Variants in EML6 observed in about 807,000 individuals in gnomAD.
EML6 encodes the protein EMAP like 6.
A neutral mutation model predicts 240.1 loss-of-function variants in EML6; 154 were observed. The ratio of observed to expected loss-of-function variants is 0.64; its 90% CI spans 0.56 to 0.73. The LOEUF (loss-of-function observed/expected upper bound fraction) is 0.73, where lower values mean the gene tolerates loss of function less well. EML6 is among the 30% of genes least tolerant of loss of function. EML6 has a pLI of 0.00. For missense variants in EML6, 2,964 were observed against 2,474.6 expected (o/e 1.20, Z -4.20); for synonymous variants, 1,148 against 899.0 (o/e 1.28, Z -4.95).
At chr2:54,914,502 G>T (rs1558680900) in intron 25 of EML6, among the ~76,000 whole-genome samples, 1 of 152,206 alleles carries the variant, frequency 6.6e-6, no homozygotes. Flanking sequence ...AAAAGATAAT[G>T]CACAAAAGGA....
chr2:54,883,704 T>C (rs145392932), intron 17 of EML6, among the ~76,000 whole-genome samples: 2 of 152,174 alleles, frequency 1.3e-5, no homozygotes, highest in African/African-American at 4.8e-5. Context: ...GTATTTTGTT[T>C]TGCTTACACA....
At position 54,954,758 on chromosome 2, in the gene EML6, G is replaced by T. The variant is rs139728498; in HGVS notation, c.4486+602G>T. 5.0e-3 allele frequency among the ~76,000 whole-genome samples: 768 copies of T among 152,236 alleles called. 5 individuals carry two copies. Among genetic ancestry groups the T allele is most frequent in the Non-Finnish European group, 8.0e-3 (543 of 68,002 alleles). ...ACACACAAGCTGCAACTGAATGTGT[G>T]GTCATCTTAGAACTAAAGATGTGCA... On this transcript the variant is annotated intron_variant, in intron 32 of 41. Transcript: ENST00000356458.
chr2:54,874,270 A>C (rs1248119828), intron 16 of EML6, among the ~76,000 whole-genome samples: 1 of 152,202 alleles, frequency 6.6e-6, no homozygotes, highest in African/African-American at 2.4e-5. Context: ...AAGAACAAGA[A>C]ATTAAGTGAG....
chr2:54,971,140 A>C lies in EML6; in HGVS notation c.*1045A>C, dbSNP rs1328192160. 1 of 152,230 alleles carries C rather than the reference A, an allele frequency of 6.6e-6. No homozygotes were observed. Among genetic ancestry groups the C allele is most frequent in the Admixed American group, 6.5e-5 (1 of 15,278 alleles). 9.4% of individuals were successfully genotyped at this position (152,230 alleles called of 1,614,324 possible). On this transcript the variant is annotated 3_prime_UTR_variant, in exon 42 of 42. Coordinates refer to ENST00000356458, the MANE Select transcript of EML6 (RefSeq NM_001039753.4). ...TGACTTCATTTGATTGCTTCAGGCGAACTATATAGGTCAAGTCCAGATTAT... is the reference window on the plus strand; with the variant it reads ...TGACTTCATTTGATTGCTTCAGGCGCACTATATAGGTCAAGTCCAGATTAT...
In EML6 at chr2:54,847,540, G is replaced by A. The variant is rs1471102033; in HGVS notation, c.1104G>A (p.Ala368=). 27 of 1,552,028 alleles carry A rather than the reference G, an allele frequency of 1.7e-5. No homozygotes were observed. Among genetic ancestry groups the A allele is most frequent in the African/African-American group, 9.6e-5 (7 of 73,026 alleles). ...TCGCCCGCTGTAACATGGAAGAGGCGGTTCGCAGTGTAGCTTTCAGCCCCG... is the reference window on the plus strand; with the variant it reads ...TCGCCCGCTGTAACATGGAAGAGGCAGTTCGCAGTGTAGCTTTCAGCCCCG... ...ALIARCNMEE[A]VRSVAFSPDG... The change falls in exon 9 of 42, where the codon GCG becomes GCA. Residue 368 remains alanine (A), a synonymous_variant. Transcript: ENST00000356458.
chr2:54,801,822 C>G (rs554077826), intron 2 of EML6, among the ~76,000 whole-genome samples: 1 of 152,184 alleles, frequency 6.6e-6, no homozygotes, highest in African/African-American at 2.4e-5. Flanking sequence ...TGTATTAAAA[C>G]GTCATGCCAT....
intron 24 of EML6, among the ~76,000 whole-genome samples, chr2:54,907,950 TAGATAGA>T (rs1673430586): frequency 3.7e-5 from 1 of 26,682 alleles, no homozygotes; most frequent in Non-Finnish European, 9.1e-5. Flanking sequence ...ATAGATAAGA[TAGATAGA>T]TAGATAGATA....
In EML6 at chr2:54,883,908, T is replaced by C. The variant is rs192301650; in HGVS notation, c.2438+4268T>C. 2.8e-4 allele frequency among the ~76,000 whole-genome samples: 42 copies of C among 152,304 alleles called. No individual in the cohort carries two copies. The East Asian group carries it at 7.7e-3, about 28-fold the overall frequency. The stretch of plus-strand genomic sequence containing the variant: ...ACAACAGAAATAACCTTGGTGTTTT[T>C]ATGACATAGAGTAGGACAACAAAAG... On this transcript the variant is annotated intron_variant, in intron 17 of 41. Coordinates refer to ENST00000356458, the MANE Select transcript of EML6 (RefSeq NM_001039753.4).
chr2:54,770,016 C>T (rs1572876405), intron 2 of EML6, among the ~76,000 whole-genome samples: 1 of 152,098 alleles, frequency 6.6e-6, no homozygotes, highest in Non-Finnish European at 1.5e-5. Flanking sequence ...TGACTGAATG[C>T]AGATAATTTT....
chr2:54,779,401 C>A (rs1433810443), intron 2 of EML6, among the ~76,000 whole-genome samples: 1 of 151,748 alleles, frequency 6.6e-6, no homozygotes, highest in Non-Finnish European at 1.5e-5. Context: ...AAAAAATTAG[C>A]TGGGTGTGGT....
chr2:54,900,470 C>A (rs1046683107), intron 22 of EML6, among the ~76,000 whole-genome samples: 6 of 152,174 alleles, frequency 3.9e-5, no homozygotes, highest in African/African-American at 1.2e-4. Flanking sequence ...CAGCACTATG[C>A]AGCTAGTAAT....
chr2:54,951,717 A>C (rs1675990888), intron 30 of EML6, among the ~76,000 whole-genome samples: 1 of 146,034 alleles, frequency 6.8e-6, no homozygotes, highest in African/African-American at 2.5e-5. Context: ...AAAAAAAAAC[A>C]CCTTTCATTT....
chr2:54,825,209 G>A (rs1229185947), intron 5 of EML6, among the ~76,000 whole-genome samples: 1 of 152,200 alleles, frequency 6.6e-6, no homozygotes, highest in African/African-American at 2.4e-5. Flanking sequence ...CATGCATGAG[G>A]AGGTGTAAAG....
intron 17 of EML6, among the ~76,000 whole-genome samples, chr2:54,888,201 C>G (rs185911270): frequency 1.3e-5 from 2 of 152,174 alleles, no homozygotes; most frequent in Admixed American, 6.5e-5. Context: ...GAGGCATGAT[C>G]TGATTGGATC....
At chr2:54,921,119 G>A (rs1674227712) in intron 26 of EML6, among the ~76,000 whole-genome samples, 2 of 152,032 alleles carry the variant, frequency 1.3e-5, no homozygotes, top group Admixed American at 1.3e-4. Flanking sequence ...GAGCAATTAA[G>A]CAAGCAAAAG....
Position 54,725,031 on chromosome 2 carries a change from G to C in EML6, c.-31G>C, listed in dbSNP as rs773100562. On this transcript the variant is annotated 5_prime_UTR_variant, in exon 2 of 42. Coordinates refer to ENST00000356458, the MANE Select transcript of EML6 (RefSeq NM_001039753.4). The surrounding 1 kb of genome is among the most constrained non-coding windows in gnomAD (Gnocchi z 4.3). ...CGGCGAGGACGGCCCCGGCGCGCGG[G>C]GGGGCGGGGGGCGCGCGGGGTCGGC... 49 of 1,476,354 alleles carry C rather than the reference G, an allele frequency of 3.3e-5. No individual in the cohort carries two copies. The East Asian group carries it at 4.8e-4, about 14-fold the overall frequency. 91.5% of individuals were successfully genotyped at this position (1,476,354 alleles called of 1,614,324 possible).
chr2:54,776,253 A>G (rs1243046446), intron 2 of EML6, among the ~76,000 whole-genome samples: 1 of 152,106 alleles, frequency 6.6e-6, no homozygotes, highest in Non-Finnish European at 1.5e-5. Context: ...CCAACCAGAA[A>G]CAGAGACTAA....
At chr2:54,873,306 G>A (rs11901967) in intron 16 of EML6, among the ~76,000 whole-genome samples, 101,255 of 152,052 alleles carry the variant, frequency 0.67, 33,994 homozygotes, top group East Asian at 0.82. Flanking sequence ...TTATCAAATT[G>A]GTAAAAATCA....
chr2:54,855,942 C>A (rs1316144017), intron 11 of EML6, among the ~76,000 whole-genome samples: 1 of 152,106 alleles, frequency 6.6e-6, no homozygotes, highest in Non-Finnish European at 1.5e-5. Context: ...TGTAAACAGC[C>A]AGATATGGGC....
Sources: gnomAD v4.1 joint callset for allele counts (sites outside exome capture counted in the v4.1 genomes callset) on GRCh38, gnomAD v4.1.1 for gene constraint, Gnocchi (gnomAD v3.1) non-coding constraint, MANE v1.5 for transcripts, NCBI Gene and HGNC (gene_info 2026-07-23, HGNC 2026-07-21) for gene names.